Variants in TMEM131L observed in about 807,000 individuals in gnomAD.
TMEM131L encodes transmembrane protein 131-like.
TMEM131L carries 54 observed loss-of-function variants against 192.2 expected under a neutral mutation model. The observed-to-expected ratio is 0.28, with a 90% CI of 0.23 to 0.35. The LOEUF (loss-of-function observed/expected upper bound fraction) is 0.35. Among genes scored for constraint, TMEM131L ranks in the 10% least tolerant of loss-of-function variants. TMEM131L has a pLI of 1.00. For synonymous variants in TMEM131L, 701 were observed against 704.9 expected (o/e 0.99, Z 0.09); for missense variants, 1,888 against 1,972.9 (o/e 0.96, Z 0.82).
chr4:153,602,257 A>T lies in TMEM131L; in HGVS notation c.2372A>T (p.Asn791Ile), dbSNP rs749416767. Reference sequence around the variant, plus strand: ...TCGTCTCTGAAAATTAATGGGTATAACTGCCAAGGTTATGGATTCGAGGTG... The same window carrying T: ...TCGTCTCTGAAAATTAATGGGTATATCTGCCAAGGTTATGGATTCGAGGTG... The part of the protein sequence containing the change: ...TVSSLKINGY[N>I]CQGYGFEVLD... The change falls in exon 22 of 35, where the codon AAC (asparagine) becomes ATC (isoleucine). Residue 791 changes from asparagine (N) to isoleucine (I), a missense_variant. Coordinates refer to ENST00000409959, the MANE Select transcript of TMEM131L (RefSeq NM_001131007.2). 1 of 1,613,840 alleles carries T rather than the reference A, an allele frequency of 6.2e-7. No homozygotes were observed. Among genetic ancestry groups the T allele is most frequent in the Non-Finnish European group, 8.5e-7 (1 of 1,179,938 alleles).
At chr4:153,574,448 A>G (rs1463834267) in intron 7 of TMEM131L, among the ~76,000 whole-genome samples, 1 of 152,164 alleles carries the variant, frequency 6.6e-6, no homozygotes, top group Admixed American at 6.5e-5. Context: ...TGGTTATAGA[A>G]TCTGAGTGTT....
At chr4:153,474,808 C>T (rs902469483) in intron 3 of TMEM131L, among the ~76,000 whole-genome samples, 9 of 152,042 alleles carry the variant, frequency 5.9e-5, no homozygotes, top group East Asian at 3.9e-4. Context: ...CGCCCGACTT[C>T]GCCTCCCATA....
intron 31 of TMEM131L, among the ~76,000 whole-genome samples, chr4:153,631,359 C>G (rs1437495240): frequency 6.6e-6 from 1 of 152,206 alleles, no homozygotes; most frequent in Non-Finnish European, 1.5e-5. Flanking sequence ...ATAGGTGGGG[C>G]AAGCCCACTG....
chr4:153,568,104 T>G (rs1376413170), intron 7 of TMEM131L, among the ~76,000 whole-genome samples: 1 of 152,252 alleles, frequency 6.6e-6, no homozygotes, highest in Non-Finnish European at 1.5e-5. Flanking sequence ...TTTGTTTGTT[T>G]GTTTTAAAAG....
rs116419586 is a variant in TMEM131L at position 153,572,678 on chromosome 4, C to G, written c.661-8148C>G. On this transcript the variant is annotated intron_variant, in intron 7 of 34. Coordinates refer to ENST00000409959, the MANE Select transcript of TMEM131L (RefSeq NM_001131007.2). ...TTCAGCTGTGTCTAGCTCTTGCCTT[C>G]CCCTTTCCCTATATATATGGGGTAA... Among the ~76,000 whole-genome samples the G allele has an allele frequency of 4.6e-3, 700 of 152,284 alleles. 5 individuals carry two copies. Among genetic ancestry groups the G allele is most frequent in the African/African-American group, 0.016 (673 of 41,560 alleles).
At chr4:153,467,794 G>T (rs188938709) in intron 2 of TMEM131L, among the ~76,000 whole-genome samples, 21 of 152,202 alleles carry the variant, frequency 1.4e-4, no homozygotes, top group East Asian at 3.9e-4. Context: ...TGAATTTCTG[G>T]TTTTTTTCTC....
intron 3 of TMEM131L, among the ~76,000 whole-genome samples, chr4:153,494,652 CAA>C (rs1190318736): frequency 6.6e-6 from 1 of 152,172 alleles, no homozygotes; most frequent in Non-Finnish European, 1.5e-5. Flanking sequence ...CCCCTTCTGC[CAA>C]AGTTTTCATC....
At chr4:153,607,471 C>T (rs528414550) in intron 25 of TMEM131L, among the ~76,000 whole-genome samples, 1 of 152,300 alleles carries the variant, frequency 6.6e-6, no homozygotes, top group South Asian at 2.1e-4. Context: ...GTCACGTTGT[C>T]TCCTGTGTGA....
At chr4:153,493,132 G>A (rs965335760) in intron 3 of TMEM131L, among the ~76,000 whole-genome samples, 3 of 151,832 alleles carry the variant, frequency 2.0e-5, no homozygotes, top group Non-Finnish European at 4.4e-5. Flanking sequence ...GGGTCACAAG[G>A]TCAGGAGATC....
intron 3 of TMEM131L, among the ~76,000 whole-genome samples, chr4:153,524,753 A>T (rs1735355657): frequency 6.6e-6 from 1 of 152,178 alleles, no homozygotes; most frequent in Admixed American, 6.5e-5. Context: ...TATTAAGGTT[A>T]CTTCCAACAT....
At chr4:153,587,607 A>G (rs1730782751) in intron 14 of TMEM131L, 135 bp from the exon 15 acceptor site, 4 of 702,382 alleles carry the variant, frequency 5.7e-6, no homozygotes, top group Non-Finnish European at 7.7e-6. Flanking sequence ...TAACAATTAG[A>G]AAGTAATTTT....
At chr4:153,550,291 G>C (rs1424833177) in intron 4 of TMEM131L, 150 bp downstream of exon 4, 11 of 463,840 alleles carry the variant, frequency 2.4e-5, no homozygotes, top group Non-Finnish European at 4.3e-5. Flanking sequence ...ATATTTTTGT[G>C]AAAAGGAGAG....
chr4:153,469,122 T>C lies in TMEM131L; in HGVS notation c.195+1841T>C, dbSNP rs145206709. ...TGTATAATACAATTTGTTTTGATAA[T>C]AGATGTCAGAATTCAGAAGCTGTCT... On this transcript the variant is annotated intron_variant, in intron 2 of 34. Transcript: ENST00000409959. 3.7e-4 allele frequency among the ~76,000 whole-genome samples: 56 copies of C among 152,348 alleles called. 1 individual carries two copies. In the East Asian group the frequency reaches 9.8e-3, roughly 27 times the overall value.
intron 3 of TMEM131L, among the ~76,000 whole-genome samples, chr4:153,498,585 GTTCT>G (rs1018366748): frequency 6.6e-6 from 1 of 152,186 alleles, no homozygotes; most frequent in African/African-American, 2.4e-5. Context: ...GGTGAGCAGA[GTTCT>G]TTCAAGCTCT....
chr4:153,602,395 A>T lies in TMEM131L; in HGVS notation c.2453+57A>T, dbSNP rs559171455. 8.1e-5 allele frequency: 127 copies of T among 1,570,664 alleles called. No homozygotes were observed. The East Asian group carries it at 1.9e-3, about 23-fold the overall frequency. On this transcript the variant is annotated intron_variant, in intron 22 of 34. Transcript: ENST00000409959. ...TTGTGGTGCGTTTAACAATGTGAGGAGGAAAACTTTTTCTATTGTTAAGAC... is the reference window on the plus strand; with the variant it reads ...TTGTGGTGCGTTTAACAATGTGAGGTGGAAAACTTTTTCTATTGTTAAGAC...
At chr4:153,501,347 C>A (rs575738502) in intron 3 of TMEM131L, among the ~76,000 whole-genome samples, 4 of 151,880 alleles carry the variant, frequency 2.6e-5, no homozygotes, top group Non-Finnish European at 5.9e-5. Flanking sequence ...ACTACAGGCG[C>A]GTGCCACCAC....
chr4:153,523,100 A>G lies in TMEM131L; in HGVS notation c.240-26973A>G, dbSNP rs544391117. Among the ~76,000 whole-genome samples, 3 of 152,364 alleles carry G rather than the reference A, an allele frequency of 2.0e-5. No homozygotes were observed. In the East Asian group the frequency reaches 5.8e-4, roughly 29 times the overall value. On this transcript the variant is annotated intron_variant, in intron 3 of 34. Transcript: ENST00000409959. ...GTACTGTGTTTCTTAGTTCTTAAAA[A>G]AAATAGTTTAAGGCCATAGGATTAC... is the stretch of plus-strand genomic sequence containing the variant.
chr4:153,549,893 A>G (rs942058675), intron 3 of TMEM131L, among the ~76,000 whole-genome samples, 180 bp from the exon 4 acceptor site: 2 of 152,246 alleles, frequency 1.3e-5, no homozygotes, highest in African/African-American at 2.4e-5. Context: ...ATCTTAAATT[A>G]TCTTAAGTTT....
intron 11 of TMEM131L, among the ~76,000 whole-genome samples, chr4:153,584,568 A>G (rs1380655748): frequency 1.3e-5 from 2 of 152,096 alleles, no homozygotes; most frequent in Admixed American, 1.3e-4. Context: ...GCCTCCACAC[A>G]TTTTACTCTG....
Sources: allele counts gnomAD v4.1 joint callset (sites outside exome capture counted in the v4.1 genomes callset), GRCh38; gene constraint gnomAD v4.1.1; transcripts MANE v1.5; gene names NCBI Gene and HGNC (gene_info 2026-07-23, HGNC 2026-07-21).